Variants in RAB38 observed in about 807,000 individuals in gnomAD.
The protein encoded by RAB38 is RAB38, member RAS oncogene family.
A neutral mutation model predicts 18.4 loss-of-function variants in RAB38; 15 were observed. The ratio of observed to expected loss-of-function variants is 0.82; its 90% CI spans 0.55 to 1.26. The LOEUF is 1.26. Ranked by LOEUF, RAB38 falls within the 50% of genes most tolerant of loss-of-function variation. The pLI, the probability that RAB38 is intolerant of heterozygous loss-of-function variation, is 0.00. For synonymous variants in RAB38, 101 were observed against 104.4 expected, an observed-to-expected ratio of 0.97 and a Z score of 0.20; for missense variants, 294 against 267.4, an observed-to-expected ratio of 1.10 and a Z score of -0.69.
chr11:87,826,697 T>C, the RAB38 span, among the ~76,000 whole-genome samples: 2 of 152,068 alleles, frequency 1.3e-5, no homozygotes, highest in African/African-American at 4.8e-5. Context: ...TTATACAGAG[T>C]AGGAAACTAC....
the RAB38 span, among the ~76,000 whole-genome samples, chr11:88,091,048 C>T: frequency 0.13 from 19,570 of 151,928 alleles, 1,402 homozygotes; most frequent in Admixed American, 0.2. Context: ...GGTGCTGGAG[C>T]AATAAAATGA....
the RAB38 span, chr11:87,817,420 T>A: frequency 6.6e-6 from 1 of 152,212 alleles, no homozygotes; most frequent in Non-Finnish European, 1.5e-5. Flanking sequence ...AGGTTAAAAC[T>A]CATTTAAGTC....
chr11:88,095,177 A>G, the RAB38 span, among the ~76,000 whole-genome samples: 1 of 151,952 alleles, frequency 6.6e-6, no homozygotes, highest in Non-Finnish European at 1.5e-5. Flanking sequence ...AACACACAAG[A>G]TATAAGCAAA....
the RAB38 span, among the ~76,000 whole-genome samples, chr11:88,033,083 T>C: frequency 2.6e-5 from 4 of 152,264 alleles, no homozygotes; most frequent in South Asian, 8.3e-4. Flanking sequence ...TGTAGGGACA[T>C]CGATGAAATT....
the RAB38 span, among the ~76,000 whole-genome samples, chr11:87,959,102 T>C: frequency 6.6e-6 from 1 of 152,102 alleles, no homozygotes; most frequent in Non-Finnish European, 1.5e-5. Flanking sequence ...GCCCTAGGAT[T>C]AAGATCCCTA....
chr11:87,951,882 A>G, the RAB38 span, among the ~76,000 whole-genome samples: 1 of 152,156 alleles, frequency 6.6e-6, no homozygotes, highest in South Asian at 2.1e-4. Flanking sequence ...CCGTTCTCAG[A>G]TCTCAAGCTG....
chr11:88,164,256 C>CGGCAGGGG (rs1318397492), intron 1 of RAB38, among the ~76,000 whole-genome samples: 2 of 109,064 alleles, frequency 1.8e-5, no homozygotes, highest in Non-Finnish European at 4.1e-5. Context: ...AAGGTGCTCT[C>CGGCAGGGG]GGTGGGGGGG....
At chr11:87,957,595 G>C in the RAB38 span, among the ~76,000 whole-genome samples, 4 of 152,104 alleles carry the variant, frequency 2.6e-5, no homozygotes, top group Non-Finnish European at 5.9e-5. Context: ...TTATTCTTGG[G>C]CTCTCTATGT....
chr11:87,919,649 G>C, the RAB38 span, among the ~76,000 whole-genome samples: 1 of 151,636 alleles, frequency 6.6e-6, no homozygotes, highest in Non-Finnish European at 1.5e-5. Context: ...TTCCTCTTCT[G>C]TTTTTCAGAA....
the RAB38 span, among the ~76,000 whole-genome samples, chr11:87,820,761 A>C: frequency 0.012 from 1,828 of 152,312 alleles, 44 homozygotes; most frequent in African/African-American, 0.041. Flanking sequence ...CCAAATTATA[A>C]AATAACTCTC....
chr11:88,060,545 C>T, the RAB38 span, among the ~76,000 whole-genome samples: 2 of 152,148 alleles, frequency 1.3e-5, no homozygotes, highest in Non-Finnish European at 2.9e-5. Flanking sequence ...GGTCAAGCAA[C>T]TTGCCCAAGA....
the RAB38 span, among the ~76,000 whole-genome samples, chr11:87,899,426 A>G: frequency 6.6e-6 from 1 of 151,788 alleles, no homozygotes; most frequent in East Asian, 2.0e-4. Flanking sequence ...TATAATGGCT[A>G]TTTGAATGGT....
chr11:88,149,614 T>C (rs776366695), intron 2 of RAB38, 61 bp downstream of exon 2: 207 of 1,512,196 alleles, frequency 1.4e-4, no homozygotes, highest in Non-Finnish European at 1.7e-4. Flanking sequence ...TGGTGATGAT[T>C]ATGTGCCATT....
the RAB38 span, among the ~76,000 whole-genome samples, chr11:87,858,876 G>A: frequency 1.3e-5 from 2 of 150,782 alleles, no homozygotes; most frequent in Admixed American, 6.6e-5. Flanking sequence ...AATGGTGACA[G>A]TATACCATAA....
the RAB38 span, among the ~76,000 whole-genome samples, chr11:87,905,487 C>T: frequency 5.3e-4 from 80 of 151,936 alleles, no homozygotes; most frequent in Non-Finnish European, 9.9e-4. Context: ...GGATTTGATA[C>T]TTGCAGACTT....
the RAB38 span, among the ~76,000 whole-genome samples, chr11:88,060,840 A>T: frequency 6.6e-6 from 1 of 152,240 alleles, no homozygotes; most frequent in East Asian, 1.9e-4. Context: ...CTAGCAGGTT[A>T]TCTAAGCTAT....
chr11:88,032,330 C>T, the RAB38 span, among the ~76,000 whole-genome samples: 1 of 152,188 alleles, frequency 6.6e-6, no homozygotes, highest in Non-Finnish European at 1.5e-5. Flanking sequence ...GCAAGGACTT[C>T]ATGTCTAAAA....
At chr11:87,904,076 A>G in the RAB38 span, among the ~76,000 whole-genome samples, 1 of 150,684 alleles carries the variant, frequency 6.6e-6, no homozygotes, top group African/African-American at 2.4e-5. Flanking sequence ...ATGCTTTTTA[A>G]AGTTATTGGT....
At chr11:87,833,873 A>G in the RAB38 span, among the ~76,000 whole-genome samples, 6 of 152,242 alleles carry the variant, frequency 3.9e-5, no homozygotes, top group African/African-American at 1.4e-4. Context: ...AAACCTGTGA[A>G]TATGTCACAA....
Sources: gnomAD v4.1 joint callset for allele counts (sites outside exome capture counted in the v4.1 genomes callset) on GRCh38, gnomAD v4.1.1 for gene constraint, MANE v1.5 for transcripts, NCBI Gene and HGNC (gene_info 2026-07-23, HGNC 2026-07-21) for gene names.